The following RPTOR variants were observed in gnomAD, a reference collection of about 807,000 sequenced individuals.
RPTOR encodes the protein regulatory-associated protein of mTOR.
In RPTOR, 21 loss-of-function variants were observed where a neutral mutation model predicts 169.9. The observed-to-expected ratio is 0.12, with a 90% CI of 0.09 to 0.18. The LOEUF (loss-of-function observed/expected upper bound fraction) is 0.18. RPTOR is among the 10% of genes least tolerant of loss of function. The pLI, the probability that RPTOR is intolerant of heterozygous loss-of-function variation, is 1.00. For synonymous variants in RPTOR, 732 were observed against 753.2 expected (o/e 0.97, Z 0.46); for missense variants, 1,133 against 1,855.9 (o/e 0.61, Z 7.16).
chr17:80,823,221 G>T lies in RPTOR; in HGVS notation c.1134G>T (p.Met378Ile), dbSNP rs1310623750. ...TGCCGCCCACGTACATGCACGCCAT[G>T]TGGTGAGTGTTTCAGGATCCTCCAG... Reference protein sequence around the residue: ...PRLPPTYMHAMWQAWDLAVDI... With the variant: ...PRLPPTYMHAIWQAWDLAVDI... Residue 378 changes from methionine to isoleucine, a missense_variant and splice_region_variant, in exon 9 of 34, where the codon ATG (methionine) becomes ATT (isoleucine). Transcript: ENST00000306801. The surrounding 1 kb of genome is among the most constrained non-coding windows in gnomAD (Gnocchi z 4.5). 1 of 1,613,844 alleles carries T rather than the reference G, an allele frequency of 6.2e-7. No individual in the cohort carries two copies. The highest frequency in any genetic ancestry group is 1.7e-5 in the Admixed American group (1 of 60,014).
chr17:80,674,787 C>CAAAAAAAAAAAAAAAAAA (rs9319608), intron 3 of RPTOR, among the ~76,000 whole-genome samples: 2 of 89,974 alleles, frequency 2.2e-5, no homozygotes, highest in African/African-American at 8.2e-5. Flanking sequence ...GACTCTGTCT[C>CAAAAAAAAAAAAAAAAAA]AAAAAAAAAA....
chr17:80,768,995 C>A (rs147239253), intron 6 of RPTOR, among the ~76,000 whole-genome samples: 279 of 152,336 alleles, frequency 1.8e-3, no homozygotes, highest in Middle Eastern at 0.014. Context: ...AAGCCATTTT[C>A]ATCCTCATTT....
chr17:80,670,062 C>A (rs941027776), intron 3 of RPTOR, among the ~76,000 whole-genome samples: 1 of 152,254 alleles, frequency 6.6e-6, no homozygotes, highest in East Asian at 1.9e-4. Flanking sequence ...AGTTTAAAAC[C>A]ATTACCCTCA....
intron 13 of RPTOR, among the ~76,000 whole-genome samples, chr17:80,858,950 G>A (rs1300103256): frequency 6.6e-6 from 1 of 152,240 alleles, no homozygotes; most frequent in East Asian, 1.9e-4. Context: ...AACATTGCCT[G>A]GCCTCGGTGT....
In RPTOR at chr17:80,957,596, G is replaced by A. The variant is rs749696618; in HGVS notation, c.3371-28G>A. On this transcript the variant is annotated intron_variant, in intron 28 of 33. Coordinates refer to ENST00000306801, the MANE Select transcript of RPTOR (RefSeq NM_020761.3). This position sits in a 1 kb window ranked among gnomAD's most constrained non-coding sequence, Gnocchi z 4.6. The stretch of plus-strand genomic sequence containing the variant: ...TGCCCAAGGCAAGGGCCCATGGGGT[G>A]ATGCCATGTCCCACTGTATCTCTCC... The A allele has an allele frequency of 1.1e-5, 18 of 1,604,360 alleles. No individual in the cohort carries two copies. The highest frequency in any genetic ancestry group is 1.7e-5 in the Admixed American group (1 of 60,026).
Position 80,651,527 on chromosome 17 carries a change from T to C in RPTOR, c.348+7717T>C, listed in dbSNP as rs2065639301. On this transcript the variant is annotated intron_variant, in intron 3 of 33. Coordinates refer to ENST00000306801, the MANE Select transcript of RPTOR (RefSeq NM_020761.3). This position sits in a 1 kb window ranked among gnomAD's most constrained non-coding sequence, Gnocchi z 4.1. Reference sequence around the variant, plus strand: ...GCGATTTACTTGTTGGTATGACACATAATGGAGATTTTTTTAAAATGGACA... The same window carrying C: ...GCGATTTACTTGTTGGTATGACACACAATGGAGATTTTTTTAAAATGGACA... Among the ~76,000 whole-genome samples, 1 of 131,794 alleles carries C rather than the reference T, an allele frequency of 7.6e-6. No homozygotes were observed. Among genetic ancestry groups the C allele is most frequent in the Non-Finnish European group, 1.6e-5 (1 of 62,966 alleles). The allele number at this position is 131,794 out of a possible 152,430, so 86.5% of individuals were successfully genotyped here. A position where few individuals can be genotyped will look rare whatever the true frequency, so the allele number is the denominator to read the frequency against.
chr17:80,858,192 C>T (rs2067876709), intron 13 of RPTOR: 4 of 423,420 alleles, frequency 9.4e-6, no homozygotes, highest in Admixed American at 3.7e-5. Flanking sequence ...GCACTCAGTC[C>T]CCCTGCCTGT....
chr17:80,933,427 A>G (rs2068921189), intron 24 of RPTOR, among the ~76,000 whole-genome samples: 1 of 152,234 alleles, frequency 6.6e-6, no homozygotes, highest in Non-Finnish European at 1.5e-5. Context: ...TAAACCTAGT[A>G]AAAGAAATGT....
At chr17:80,654,650 A>G (rs977505397) in intron 3 of RPTOR, among the ~76,000 whole-genome samples, 3 of 152,214 alleles carry the variant, frequency 2.0e-5, no homozygotes, top group Admixed American at 1.3e-4. Context: ...CTTAATCAAC[A>G]TGCTGCTTAC....
rs1567951224 is a variant in RPTOR at position 80,855,564 on chromosome 17, T to A, written c.1398+17T>A. ...GTGAGCCTGGTGCGTGCCTTCCGCA[T>A]TAACCTGGGGGCTGAGGGAGGTGGG... is the stretch of plus-strand genomic sequence containing the variant. On this transcript the variant is annotated intron_variant, in intron 12 of 33. Coordinates refer to ENST00000306801, the MANE Select transcript of RPTOR (RefSeq NM_020761.3). 6.3e-7 allele frequency: 1 copy of A among 1,587,310 alleles called. No individual in the cohort carries two copies. The highest frequency in any genetic ancestry group is 8.7e-7 in the Non-Finnish European group (1 of 1,155,540).
At chr17:80,884,023 G>A in intron 16 of RPTOR, 51 bp downstream of exon 16, 1 of 1,571,126 alleles carries the variant, frequency 6.4e-7, no homozygotes, top group Non-Finnish European at 8.6e-7. Flanking sequence ...CCGACTGCGG[G>A]GGTAAGGCAG....
At chr17:80,889,970 C>T (rs28374944) in intron 17 of RPTOR, among the ~76,000 whole-genome samples, 3,983 of 62,174 alleles carry the variant, frequency 0.064, 307 homozygotes, top group South Asian at 0.13. Context: ...GGGAGGCCCC[C>T]GTACACAGCA....
At chr17:80,935,193 A>G (rs2068941057) in intron 24 of RPTOR, among the ~76,000 whole-genome samples, 1 of 152,194 alleles carries the variant, frequency 6.6e-6, no homozygotes, top group African/African-American at 2.4e-5. Flanking sequence ...AATATAAAAC[A>G]CTGATGAAAG....
At chr17:80,778,702 G>A (rs1348750963) in intron 6 of RPTOR, among the ~76,000 whole-genome samples, 2 of 152,114 alleles carry the variant, frequency 1.3e-5, no homozygotes, top group Non-Finnish European at 2.9e-5. Context: ...GGGAGAAGGA[G>A]GCAGGAGGAT....
At chr17:80,941,323 G>A (rs1379046331) in intron 25 of RPTOR, 2 of 152,610 alleles carry the variant, frequency 1.3e-5, no homozygotes, top group Non-Finnish European at 2.9e-5. Flanking sequence ...CCTTGCGGAA[G>A]GGATCCAGGC....
At chr17:80,908,144 C>T (rs1165168716) in intron 20 of RPTOR, among the ~76,000 whole-genome samples, 6 of 152,322 alleles carry the variant, frequency 3.9e-5, no homozygotes, top group South Asian at 2.1e-4. Flanking sequence ...TCCATGCCCA[C>T]GACTCACCAG....
chr17:80,787,571 A>C (rs1164133757), intron 6 of RPTOR, among the ~76,000 whole-genome samples: 1 of 152,250 alleles, frequency 6.6e-6, no homozygotes, highest in East Asian at 1.9e-4. Context: ...GTATAGGAAC[A>C]TTCAGTTTTA....
rs1381751082 is a variant in RPTOR at position 80,844,447 on chromosome 17, A to G, written c.1213-2026A>G. 6.6e-6 allele frequency among the ~76,000 whole-genome samples: 1 copy of G among 152,236 alleles called. No homozygotes were observed. Among genetic ancestry groups the G allele is most frequent in the Non-Finnish European group, 1.5e-5 (1 of 68,044 alleles). On this transcript the variant is annotated intron_variant, in intron 10 of 33. Transcript: ENST00000306801. The surrounding 1 kb of genome is among the most constrained non-coding windows in gnomAD (Gnocchi z 4.7). ...TTACCTGACTTCTGTTCACAGACTCAAGCCTTCTCTAACTCAGGAGAATTA... is the reference window on the plus strand; with the variant it reads ...TTACCTGACTTCTGTTCACAGACTCGAGCCTTCTCTAACTCAGGAGAATTA...
At chr17:80,905,640 C>A (rs34176888) in intron 20 of RPTOR, among the ~76,000 whole-genome samples, 1 of 151,788 alleles carries the variant, frequency 6.6e-6, no homozygotes, top group Non-Finnish European at 1.5e-5. Context: ...GCTAATACAT[C>A]TCACACACAC....
Sources: gnomAD v4.1 joint callset for allele counts (sites outside exome capture counted in the v4.1 genomes callset) on GRCh38, gnomAD v4.1.1 for gene constraint, Gnocchi (gnomAD v3.1) non-coding constraint, MANE v1.5 for transcripts, NCBI Gene and HGNC (gene_info 2026-07-23, HGNC 2026-07-21) for gene names.